SCN11A: variants seen among roughly 807,000 people sequenced by gnomAD.
SCN11A encodes the protein sodium channel protein type 11 subunit alpha.
A neutral mutation model predicts 162.2 loss-of-function variants in SCN11A; 122 were observed. The ratio of observed to expected loss-of-function variants is 0.75; its 90% confidence interval spans 0.65 to 0.87. The LOEUF (loss-of-function observed/expected upper bound fraction) is 0.87, where lower values mean the gene tolerates loss of function less well. Among genes scored for constraint, SCN11A ranks in the 40% least tolerant of loss-of-function variants. The pLI is 0.00. For synonymous variants in SCN11A, 758 were observed against 751.5 expected, an observed-to-expected ratio of 1.01 and a Z score of -0.14; for missense variants, 2,015 against 2,181.6, an observed-to-expected ratio of 0.92 and a Z score of 1.52.
chr3:38,952,050 G>C (rs551293359), intron 4 of SCN11A, among the ~76,000 whole-genome samples: 3 of 152,180 alleles, frequency 2.0e-5, no homozygotes, highest in Admixed American at 6.5e-5. Context: ...TTTATGAGCT[G>C]TAACACTCAC....
At chr3:38,857,099 A>G (rs1429221692) in intron 28 of SCN11A, among the ~76,000 whole-genome samples, 2 of 152,216 alleles carry the variant, frequency 1.3e-5, no homozygotes, top group Admixed American at 6.5e-5. Flanking sequence ...AATAGGTTCT[A>G]TAACACCTCC....
intron 28 of SCN11A, among the ~76,000 whole-genome samples, chr3:38,853,934 C>G (rs1424264213): frequency 2.6e-5 from 4 of 152,122 alleles, no homozygotes; most frequent in Non-Finnish European, 5.9e-5. Context: ...CAGAGCTGCC[C>G]TGGATGCTAC....
chr3:38,876,510 AG>A (rs1364970086), intron 23 of SCN11A, among the ~76,000 whole-genome samples: 1 of 152,172 alleles, frequency 6.6e-6, no homozygotes, highest in African/African-American at 2.4e-5. Context: ...CAAATCAGCA[AG>A]TAAAAAAACA....
chr3:39,028,952 T>C (rs2031674418), intron 2 of SCN11A, among the ~76,000 whole-genome samples: 1 of 152,320 alleles, frequency 6.6e-6, no homozygotes, highest in Non-Finnish European at 1.5e-5. Flanking sequence ...ATGAGTTTTA[T>C]AGGGGACAAG....
Position 38,957,928 on chromosome 3 carries a change from T to C in SCN11A, c.-139+2355A>G, listed in dbSNP as rs73828757. On this transcript the variant is annotated intron_variant, in intron 3 of 29. Transcript: ENST00000302328. ...TGTGTACGTCTGCACCAGAGGCAATTGTTGGGTGCTGTGGGAGCCCTGAGT... is the reference window on the plus strand; with the variant it reads ...TGTGTACGTCTGCACCAGAGGCAATCGTTGGGTGCTGTGGGAGCCCTGAGT... Among the ~76,000 whole-genome samples, 735 of 152,182 alleles carry C rather than the reference T, an allele frequency of 4.8e-3. 6 individuals carry two copies. Among genetic ancestry groups the C allele is most frequent in the African/African-American group, 0.017 (704 of 41,522 alleles).
chr3:38,884,796 G>T (rs552413716), intron 21 of SCN11A, among the ~76,000 whole-genome samples: 80 of 152,290 alleles, frequency 5.3e-4, no homozygotes, highest in African/African-American at 1.9e-3. Flanking sequence ...TCTTTGCTTT[G>T]GATACTATTA....
At chr3:38,870,304 C>G (rs2065104695) in intron 26 of SCN11A, among the ~76,000 whole-genome samples, 1 of 152,162 alleles carries the variant, frequency 6.6e-6, no homozygotes, top group Admixed American at 6.6e-5. Flanking sequence ...TTAGTGCAGT[C>G]TTAAGGTTTC....
intron 4 of SCN11A, among the ~76,000 whole-genome samples, chr3:38,952,561 C>T (rs73828753): frequency 0.016 from 2,438 of 152,346 alleles, 68 homozygotes; most frequent in African/African-American, 0.056. Flanking sequence ...AACAGTTACA[C>T]TGTCCTGGAG....
At chr3:39,029,450 A>G (rs2031687401) in intron 2 of SCN11A, among the ~76,000 whole-genome samples, 1 of 152,188 alleles carries the variant, frequency 6.6e-6, no homozygotes, top group Non-Finnish European at 1.5e-5. Flanking sequence ...ATTAACTTGT[A>G]AACACTTCTT....
At chr3:38,896,727 A>C in intron 18 of SCN11A, 118 bp downstream of exon 18, 1 of 865,488 alleles carries the variant, frequency 1.2e-6, no homozygotes, top group Non-Finnish European at 1.6e-6. Context: ...TCAAATATTT[A>C]TTTGGCATTA....
chr3:38,868,503 T>C (rs1446791983), intron 26 of SCN11A, among the ~76,000 whole-genome samples: 1 of 152,250 alleles, frequency 6.6e-6, no homozygotes, highest in Non-Finnish European at 1.5e-5. Flanking sequence ...GATATAGGAA[T>C]GTCTGTACTC....
intron 11 of SCN11A, among the ~76,000 whole-genome samples, chr3:38,914,472 C>T (rs2065930995): frequency 6.6e-6 from 1 of 152,066 alleles, no homozygotes; most frequent in African/African-American, 2.4e-5. Flanking sequence ...TATTTGGATG[C>T]CCTTTATTTC....
At chr3:38,886,647 T>C (rs1018032189) in intron 19 of SCN11A, among the ~76,000 whole-genome samples, 2 of 152,180 alleles carry the variant, frequency 1.3e-5, no homozygotes, top group South Asian at 2.1e-4. Context: ...AAATAAAATA[T>C]ATAATCTTAT....
intron 26 of SCN11A, among the ~76,000 whole-genome samples, chr3:38,868,769 T>C (rs932603892): frequency 6.6e-6 from 1 of 152,214 alleles, no homozygotes; most frequent in Non-Finnish European, 1.5e-5. Flanking sequence ...GCTTTACTTC[T>C]GCATTTCCTG....
At chr3:39,041,695 C>G (rs1310424493) in intron 1 of SCN11A, among the ~76,000 whole-genome samples, 1 of 152,090 alleles carries the variant, frequency 6.6e-6, no homozygotes, top group East Asian at 1.9e-4. Context: ...ACAAGAAATA[C>G]TTAAGGGAGT....
chr3:38,915,750 T>C (rs1015401896), intron 11 of SCN11A, among the ~76,000 whole-genome samples: 2 of 152,152 alleles, frequency 1.3e-5, no homozygotes, highest in Admixed American at 1.3e-4. Context: ...GTATGGGCCA[T>C]GTGGTGATGA....
At chr3:38,987,605 AC>A (rs1375343383) in intron 2 of SCN11A, among the ~76,000 whole-genome samples, 1 of 147,912 alleles carries the variant, frequency 6.8e-6, no homozygotes, top group East Asian at 2.0e-4. Flanking sequence ...TGCCCATGTG[AC>A]CTGAAGGGGT....
chr3:38,979,732 G>A (rs2029948426), intron 2 of SCN11A, among the ~76,000 whole-genome samples: 1 of 152,002 alleles, frequency 6.6e-6, no homozygotes, highest in Non-Finnish European at 1.5e-5. Context: ...CTTGTCCCTG[G>A]CATCTCAACC....
intron 2 of SCN11A, among the ~76,000 whole-genome samples, chr3:39,028,215 C>G (rs544920740): frequency 2.6e-5 from 4 of 152,226 alleles, no homozygotes; most frequent in Non-Finnish European, 5.9e-5. Context: ...TGGTCACTTA[C>G]CAAGCTCTCA....
Sources: allele counts gnomAD v4.1 joint callset (sites outside exome capture counted in the v4.1 genomes callset), GRCh38; gene constraint gnomAD v4.1.1; transcripts MANE v1.5; gene names NCBI Gene and HGNC (gene_info 2026-07-23, HGNC 2026-07-21).